The following IGF1R variants were observed in gnomAD, a reference collection of about 807,000 sequenced individuals.
The protein encoded by IGF1R is insulin-like growth factor 1 receptor.
A neutral mutation model predicts 144.6 loss-of-function variants in IGF1R; 44 were observed. That is an observed-to-expected ratio of 0.30 (90% CI 0.24 to 0.39). The LOEUF (loss-of-function observed/expected upper bound fraction) is 0.39. IGF1R is among the 10% of genes least tolerant of loss of function. IGF1R has a pLI of 1.00. For missense variants in IGF1R, 1,355 were observed against 1,833.7 expected, an observed-to-expected ratio of 0.74 and a Z score of 4.77; for synonymous variants, 795 against 722.8, an observed-to-expected ratio of 1.10 and a Z score of -1.60.
chr15:98,836,365 A>G (rs1288374052), intron 2 of IGF1R, among the ~76,000 whole-genome samples: 1 of 152,010 alleles, frequency 6.6e-6, no homozygotes, highest in African/African-American at 2.4e-5. Context: ...AAAAAAAAGA[A>G]ATTAAGTAGC....
At position 98,707,981 on chromosome 15, in the gene IGF1R, A is replaced by G; in HGVS notation, c.514A>G (p.Asn172Asp). 1 of 1,614,166 alleles carries G rather than the reference A, an allele frequency of 6.2e-7. No homozygotes were observed. The highest frequency in any genetic ancestry group is 8.5e-7 in the Non-Finnish European group (1 of 1,180,020). ...DAVSNNYIVG[N>D]KPPKECGDLC... The stretch of plus-strand genomic sequence containing the variant: ...GGTGTCCAATAACTACATTGTGGGG[A>G]ATAAGCCCCCAAAGGAATGTGGGGA... The change falls in exon 2 of 21, where the codon AAT (asparagine) becomes GAT (aspartate). Residue 172 changes from asparagine to aspartate, a missense_variant. By Grantham distance (23) the Asn-to-Asp change is conservative (BLOSUM62 1). Coordinates refer to ENST00000650285, the MANE Select transcript of IGF1R (RefSeq NM_000875.5). The surrounding 1 kb of genome is among the most constrained non-coding windows in gnomAD (Gnocchi z 6.7).
At position 98,959,598 on chromosome 15, in the gene IGF1R, C is replaced by G; in HGVS notation, c.*2156C>G. On this transcript the variant is annotated 3_prime_UTR_variant, in exon 21 of 21. Coordinates refer to ENST00000650285, the MANE Select transcript of IGF1R (RefSeq NM_000875.5). ...GGGCTGTGGTGCTGGCCCACTTTCC[C>G]TCGGCCAGGAATCCAGGTCCTTGGG... The G allele has an allele frequency of 4.3e-6, 1 of 233,598 alleles. No homozygotes were observed. Among genetic ancestry groups the G allele is most frequent in the Non-Finnish European group, 8.5e-6 (1 of 117,966 alleles). 14.5% of individuals were successfully genotyped at this position (233,598 alleles called of 1,614,324 possible).
chr15:98,932,329 G>C (rs2015976415), intron 15 of IGF1R, among the ~76,000 whole-genome samples: 1 of 152,182 alleles, frequency 6.6e-6, no homozygotes, highest in South Asian at 2.1e-4. Flanking sequence ...CAGTTCAAAA[G>C]TGCTTTAAAA....
chr15:98,800,333 A>G (rs1024780237), intron 2 of IGF1R, among the ~76,000 whole-genome samples: 1 of 152,152 alleles, frequency 6.6e-6, no homozygotes, highest in African/African-American at 2.4e-5. Flanking sequence ...TCCTTATCTC[A>G]TAAGATTTCT....
intron 1 of IGF1R, among the ~76,000 whole-genome samples, chr15:98,651,771 A>G (rs966240756): frequency 6.6e-6 from 1 of 152,166 alleles, no homozygotes; most frequent in African/African-American, 2.4e-5. Context: ...GGATCCCTTT[A>G]CAGTGGTTAG....
Position 98,933,124 on chromosome 15 carries a change from G to A in IGF1R, c.2957-1700G>A, listed in dbSNP as rs140775497. 1.3e-3 allele frequency among the ~76,000 whole-genome samples: 196 copies of A among 152,294 alleles called. 1 individual carries two copies. Among genetic ancestry groups the A allele is most frequent in the Non-Finnish European group, 2.1e-3 (140 of 68,020 alleles). On this transcript the variant is annotated intron_variant, in intron 15 of 20. Transcript: ENST00000650285. ...AGTCAGTGTGTGGTAGAGCCTGGTG[G>A]CAGGTCCCGTCAGGCAAGGACATTA...
At chr15:98,889,953 A>G (rs1054411016) in intron 2 of IGF1R, among the ~76,000 whole-genome samples, 17 of 152,240 alleles carry the variant, frequency 1.1e-4, no homozygotes, top group East Asian at 9.6e-4. Flanking sequence ...GTTGATTTAG[A>G]CTTAATTTAC....
intron 1 of IGF1R, chr15:98,660,426 A>T (rs1173176924): frequency 6.6e-6 from 1 of 152,040 alleles, no homozygotes. Flanking sequence ...TTCCCCCACC[A>T]TTGGGGAGGG....
In IGF1R at chr15:98,948,720, C is replaced by G; in HGVS notation, c.3722+12C>G. 6.2e-7 allele frequency: 1 copy of G among 1,613,918 alleles called. No individual in the cohort carries two copies. Among genetic ancestry groups the G allele is most frequent in the Non-Finnish European group, 8.5e-7 (1 of 1,179,896 alleles). On this transcript the variant is annotated intron_variant, in intron 20 of 20. Transcript: ENST00000650285. ...TGTCCTGACATGCTGTACGTACTTC[C>G]TGGGCCCTCCGTGCTCTTCTGAGTT...
intron 2 of IGF1R, among the ~76,000 whole-genome samples, chr15:98,758,207 G>GTT (rs144864523): frequency 7.0e-6 from 1 of 143,522 alleles, no homozygotes; most frequent in African/African-American, 2.6e-5. Flanking sequence ...ATTTTAAAGT[G>GTT]TTTTTTTTTT....
intron 2 of IGF1R, among the ~76,000 whole-genome samples, chr15:98,804,785 C>A (rs2056437010): frequency 6.6e-6 from 1 of 152,220 alleles, no homozygotes; most frequent in African/African-American, 2.4e-5. Flanking sequence ...GCAACCTCCA[C>A]ATCCCCAGTT....
chr15:98,690,610 A>G (rs547154789), intron 1 of IGF1R, among the ~76,000 whole-genome samples: 82 of 152,364 alleles, frequency 5.4e-4, no homozygotes, highest in African/African-American at 1.9e-3. Context: ...GATTTTAAGT[A>G]TACAATTAAT....
At chr15:98,712,954 CT>C (rs1025204322) in intron 2 of IGF1R, among the ~76,000 whole-genome samples, 38 of 150,072 alleles carry the variant, frequency 2.5e-4, no homozygotes, top group African/African-American at 9.1e-4. Flanking sequence ...ACCTGAAATC[CT>C]GTAGCAAGTC....
At chr15:98,838,911 T>C in intron 2 of IGF1R, among the ~76,000 whole-genome samples, 1 of 152,228 alleles carries the variant, frequency 6.6e-6, no homozygotes, top group Non-Finnish European at 1.5e-5. Flanking sequence ...GTGGGGATCC[T>C]GCTTTTGCTG....
At chr15:98,915,865 G>C (rs2015220532) in intron 8 of IGF1R, 99 bp from the exon 9 acceptor site, 4 of 1,062,610 alleles carry the variant, frequency 3.8e-6, no homozygotes, top group Non-Finnish European at 5.9e-6. Context: ...TTCTTATCCA[G>C]GTCAAACTGG....
At chr15:98,811,782 T>G (rs2056595034) in intron 2 of IGF1R, among the ~76,000 whole-genome samples, 1 of 148,818 alleles carries the variant, frequency 6.7e-6, no homozygotes, top group South Asian at 2.2e-4. Flanking sequence ...GAAAATTCTC[T>G]GGGCGTGTTG....
intron 15 of IGF1R, among the ~76,000 whole-genome samples, chr15:98,931,605 G>A (rs972227666): frequency 6.6e-6 from 1 of 151,930 alleles, no homozygotes; most frequent in Admixed American, 6.6e-5. Context: ...ACATACTTCT[G>A]TAGTGTGTGT....
Position 98,934,824 on chromosome 15 carries a change from T to C in IGF1R, c.2957T>C (p.Val986Ala), listed in dbSNP as rs1221101985. The C allele has an allele frequency of 1.2e-6, 2 of 1,613,534 alleles. No individual in the cohort carries two copies. Among genetic ancestry groups the C allele is most frequent in the Admixed American group, 1.7e-5 (1 of 60,010 alleles). Residue 986 changes from valine (V) to alanine (A), a missense_variant and splice_region_variant, in exon 16 of 21, where the codon GTG (valine) becomes GCG (alanine). Transcript: ENST00000650285. ...VNPEYFSAAD[V>A]YVPDEWEVAR... is the part of the protein sequence containing the mutation. ...GCTTTAATTACGGTTTCTTCTCCAG[T>C]GTACGTTCCTGATGAGTGGGAGGTG...
At chr15:98,803,619 C>G (rs748581624) in intron 2 of IGF1R, among the ~76,000 whole-genome samples, 3 of 151,980 alleles carry the variant, frequency 2.0e-5, no homozygotes, top group Admixed American at 6.5e-5. Flanking sequence ...GATCCTCTTA[C>G]CTCAGCCTCC....
Sources: allele counts gnomAD v4.1 joint callset (sites outside exome capture counted in the v4.1 genomes callset), GRCh38; gene constraint gnomAD v4.1.1; non-coding constraint Gnocchi (gnomAD v3.1); transcripts MANE v1.5; gene names NCBI Gene and HGNC (gene_info 2026-07-23, HGNC 2026-07-21).